Variants in CRHR1 observed in about 807,000 individuals in gnomAD.
The protein encoded by CRHR1 is corticotropin releasing hormone receptor 1, also known as corticotropin-releasing hormone receptor 1.
In CRHR1, 28 loss-of-function variants were observed where a neutral mutation model predicts 56.0. That is an observed-to-expected ratio of 0.50 (90% CI 0.37 to 0.69). CRHR1 has a LOEUF of 0.69. CRHR1 is among the 30% of genes least tolerant of loss of function. The pLI, the probability that CRHR1 is intolerant of heterozygous loss-of-function variation, is 0.00. For missense variants in CRHR1, 376 were observed against 548.0 expected, an observed-to-expected ratio of 0.69 and a Z score of 3.13; for synonymous variants, 195 against 216.5, an observed-to-expected ratio of 0.90 and a Z score of 0.87.
At chr17:45,830,324 G>T in intron 6 of CRHR1, 93 bp from the exon 7 acceptor site, 1 of 1,587,650 alleles carries the variant, frequency 6.3e-7, no homozygotes, top group Non-Finnish European at 8.6e-7. Context: ...GGATCCCAGG[G>T]TATGCCCTGT....
chr17:45,792,456 A>G (rs1481187285), intron 1 of CRHR1, among the ~76,000 whole-genome samples: 3 of 151,604 alleles, frequency 2.0e-5, no homozygotes, highest in South Asian at 2.1e-4. Flanking sequence ...TGCTCCCCTA[A>G]TCTCTTGCTC....
At position 45,833,711 on chromosome 17, in the gene CRHR1, C is replaced by G. The variant is rs1476210475; in HGVS notation, c.930-3C>G. The G allele has an allele frequency of 6.2e-7, 1 of 1,609,628 alleles. No individual in the cohort carries two copies. Among genetic ancestry groups the G allele is most frequent in the African/African-American group, 1.3e-5 (1 of 74,792 alleles). ...CCGAGCCTCCCCACCCGCCCCACCCCAGGAAGGCTGTGAAAGCCACTCTGG... is the reference window on the plus strand; with the variant it reads ...CCGAGCCTCCCCACCCGCCCCACCCGAGGAAGGCTGTGAAAGCCACTCTGG... On this transcript the variant is annotated splice_region_variant and splice_polypyrimidine_tract_variant and intron_variant, in intron 10 of 12. Transcript: ENST00000314537.
intron 2 of CRHR1, among the ~76,000 whole-genome samples, chr17:45,809,972 T>C (rs2146316186): frequency 6.6e-6 from 1 of 152,262 alleles, no homozygotes; most frequent in South Asian, 2.1e-4. Flanking sequence ...GGTCTTAAGG[T>C]AGTGAATGAT....
At chr17:45,834,600 T>G in intron 12 of CRHR1, 24 bp from the exon 13 acceptor site, 1 of 1,594,568 alleles carries the variant, frequency 6.3e-7, no homozygotes. Flanking sequence ...GGCTCAGATG[T>G]CGTGCTCCTC....
intron 1 of CRHR1, among the ~76,000 whole-genome samples, chr17:45,802,935 G>A (rs2061651108): frequency 6.6e-6 from 1 of 152,220 alleles, no homozygotes; most frequent in Non-Finnish European, 1.5e-5. Context: ...TTGTGCCGAG[G>A]TGGTTTTCGT....
At chr17:45,785,127 G>A (rs2061311411) in intron 1 of CRHR1, among the ~76,000 whole-genome samples, 1 of 152,228 alleles carries the variant, frequency 6.6e-6, no homozygotes, top group Non-Finnish European at 1.5e-5. Context: ...TCTCGGGGGA[G>A]GAGACGGTGC....
chr17:45,809,318 G>C (rs897602332), intron 2 of CRHR1, among the ~76,000 whole-genome samples: 1 of 152,218 alleles, frequency 6.6e-6, no homozygotes, highest in Non-Finnish European at 1.5e-5. Flanking sequence ...TTCTAGGAGA[G>C]AGAGATGGGG....
intron 2 of CRHR1, among the ~76,000 whole-genome samples, chr17:45,810,033 G>A (rs891608910): frequency 7.2e-5 from 11 of 152,118 alleles, no homozygotes; most frequent in African/African-American, 1.4e-4. Flanking sequence ...TAATCCCAGC[G>A]CTTTGGGAGG....
intron 1 of CRHR1, among the ~76,000 whole-genome samples, chr17:45,788,774 C>T (rs2061378302): frequency 6.6e-6 from 1 of 152,206 alleles, no homozygotes; most frequent in Non-Finnish European, 1.5e-5. Flanking sequence ...GGCACTGAGC[C>T]TCACAATCCG....
rs1348462240 is a variant in CRHR1, at chr17:45,784,501, C to T, written c.-44C>T. ...CGCCCGCCGGTCCCTCTGGGATGTC[C>T]GTAGGACCCGGGCATTCAGGACGGT... On this transcript the variant is annotated 5_prime_UTR_variant, in exon 1 of 13. Coordinates refer to ENST00000314537, the MANE Select transcript of CRHR1 (RefSeq NM_004382.5). This position sits in a 1 kb window ranked among gnomAD's most constrained non-coding sequence, Gnocchi z 4.2. 1 of 1,524,736 alleles carries T rather than the reference C, an allele frequency of 6.6e-7. No homozygotes were observed. Among genetic ancestry groups the T allele is most frequent in the Non-Finnish European group, 8.8e-7 (1 of 1,134,620 alleles). The allele number at this position is 1,524,736 out of a possible 1,614,324, so 94.5% of individuals were successfully genotyped here.
chr17:45,808,233 C>T (rs957544754), intron 2 of CRHR1, among the ~76,000 whole-genome samples: 1 of 152,198 alleles, frequency 6.6e-6, no homozygotes, highest in African/African-American at 2.4e-5. Context: ...GAAACAGACG[C>T]AAGTGTCTGC....
Position 45,802,759 on chromosome 17 carries a change from T to G in CRHR1, c.34-4251T>G, listed in dbSNP as rs565895268. Among the ~76,000 whole-genome samples, 3 of 152,372 alleles carry G rather than the reference T, an allele frequency of 2.0e-5. No individual in the cohort carries two copies. The South Asian group carries it at 6.2e-4, about 32-fold the overall frequency. The stretch of plus-strand genomic sequence containing the variant: ...GAGAGGGACACAAGTGTCAGGGTTC[T>G]AGGCAGCCAAGGGAAGACTAGCCCT... On this transcript the variant is annotated intron_variant, in intron 1 of 12. Transcript: ENST00000314537.
chr17:45,792,357 C>T (rs965091356), intron 1 of CRHR1, among the ~76,000 whole-genome samples: 5 of 152,102 alleles, frequency 3.3e-5, no homozygotes, highest in East Asian at 3.8e-4. Context: ...TGGCCAGGTG[C>T]GCCATTTACT....
intron 2 of CRHR1, among the ~76,000 whole-genome samples, chr17:45,813,114 G>A (rs1340189450): frequency 6.6e-6 from 1 of 152,120 alleles, no homozygotes; most frequent in East Asian, 1.9e-4. Flanking sequence ...GCAGGACCCC[G>A]AGGCCTTATG....
At chr17:45,822,573 C>T (rs956318352) in intron 4 of CRHR1, among the ~76,000 whole-genome samples, 2 of 152,224 alleles carry the variant, frequency 1.3e-5, no homozygotes, top group African/African-American at 4.8e-5. Flanking sequence ...GGAGACTCTC[C>T]TTCCCATCTT....
chr17:45,823,488 A>C (rs1206487716), intron 4 of CRHR1, among the ~76,000 whole-genome samples: 1 of 146,270 alleles, frequency 6.8e-6, no homozygotes, highest in Admixed American at 6.9e-5. Context: ...GCTCATTGCA[A>C]CCTCCACCTC....
intron 3 of CRHR1, among the ~76,000 whole-genome samples, chr17:45,819,395 C>T (rs974839305): frequency 1.2e-4 from 18 of 152,160 alleles, no homozygotes; most frequent in South Asian, 4.1e-4. Context: ...CCAGGGGCCA[C>T]GCTCTTAGCA....
intron 1 of CRHR1, among the ~76,000 whole-genome samples, chr17:45,787,282 G>T (rs2061353442): frequency 6.6e-6 from 1 of 152,152 alleles, no homozygotes; most frequent in African/African-American, 2.4e-5. Context: ...TCTATCCCCA[G>T]GGAGGGGCAG....
chr17:45,833,604 GC>G, intron 10 of CRHR1, 67 bp downstream of exon 10: 1 of 1,588,234 alleles, frequency 6.3e-7, no homozygotes, highest in Non-Finnish European at 8.6e-7. Flanking sequence ...CCTCTCACGT[GC>G]CAGAGACCTG....
Sources: gnomAD v4.1 joint callset for allele counts (sites outside exome capture counted in the v4.1 genomes callset) on GRCh38, gnomAD v4.1.1 for gene constraint, Gnocchi (gnomAD v3.1) non-coding constraint, MANE v1.5 for transcripts, NCBI Gene and HGNC (gene_info 2026-07-23, HGNC 2026-07-21) for gene names.